PARP8: variants seen among roughly 807,000 people sequenced by gnomAD.
The protein encoded by PARP8 is protein mono-ADP-ribosyltransferase PARP8.
In PARP8, 51 loss-of-function variants were observed where a neutral mutation model predicts 124.1. The ratio of observed to expected loss-of-function variants is 0.41; its 90% CI spans 0.33 to 0.52. The LOEUF (loss-of-function observed/expected upper bound fraction) is 0.52, where lower values mean the gene tolerates loss of function less well. Ranked by LOEUF, PARP8 falls within the 20% of genes least tolerant of loss-of-function variation. PARP8 has a pLI of 0.21. For missense variants in PARP8, 860 were observed against 1,018.9 expected, an observed-to-expected ratio of 0.84 and a Z score of 2.12; for synonymous variants, 391 against 361.5, an observed-to-expected ratio of 1.08 and a Z score of -0.93.
chr5:50,747,698 T>G (rs576659895), intron 2 of PARP8, among the ~76,000 whole-genome samples: 121 of 151,756 alleles, frequency 8.0e-4, no homozygotes, highest in Non-Finnish European at 1.6e-3. Flanking sequence ...TTTCCATTCT[T>G]TACTTAAATC....
chr5:50,759,729 A>G lies in PARP8; in HGVS notation c.271A>G (p.Thr91Ala). ...ACCAGTAATTTTTCATAGAATAGCA[A>G]CAGGTAATAGTAGTATTATTTTTTA... ...PIPVIFHRIA[T>A]ELRKTNDINC... The change falls in exon 4 of 26, where the codon ACA (threonine) becomes GCA (alanine). Residue 91 changes from threonine to alanine, a missense_variant. By Grantham distance (58) the Thr-to-Ala change is moderately conservative (BLOSUM62 0). This residue lies in a region of PARP8 where 517 missense variants were observed against 544.2 expected (regional missense o/e 0.95). Transcript: ENST00000281631. The G allele has an allele frequency of 6.4e-7, 1 of 1,572,102 alleles. No individual in the cohort carries two copies.
intron 2 of PARP8, among the ~76,000 whole-genome samples, chr5:50,670,915 A>G (rs894727001): frequency 6.6e-6 from 1 of 152,220 alleles, no homozygotes; most frequent in African/African-American, 2.4e-5. Flanking sequence ...TAGCATTTAC[A>G]TATGCTTGAA....
chr5:50,796,986 A>G lies in PARP8; in HGVS notation c.1433A>G (p.Asn478Ser), dbSNP rs748460546. Residue 478 changes from asparagine to serine, a missense_variant, in exon 13 of 26, where the codon AAT becomes AGT. Physicochemically the swap from Asn to Ser is conservative, Grantham distance 46. Around this residue, in one of 2 missense-constraint regions of PARP8, gnomAD observed 343 missense variants for 474.7 expected, o/e 0.72. Transcript: ENST00000281631. ...TTTTTACTTTGCTTTTTATAGCCAAATGGTGCAAAATGCATTCCAGTACGA... is the reference window on the plus strand; with the variant it reads ...TTTTTACTTTGCTTTTTATAGCCAAGTGGTGCAAAATGCATTCCAGTACGA... ...SSSSSSQLAP[N>S]GAKCIPVRDR... 1.2e-6 allele frequency: 2 copies of G among 1,607,384 alleles called. No individual in the cohort carries two copies. Among genetic ancestry groups the G allele is most frequent in the Admixed American group, 3.4e-5 (2 of 59,302 alleles).
intron 2 of PARP8, among the ~76,000 whole-genome samples, chr5:50,684,530 A>G (rs1751641492): frequency 6.6e-6 from 1 of 151,992 alleles, no homozygotes; most frequent in South Asian, 2.1e-4. Context: ...ATATATTCAT[A>G]TATTCTCTTC....
At chr5:50,708,448 A>T (rs1293277293) in intron 2 of PARP8, among the ~76,000 whole-genome samples, 1 of 152,034 alleles carries the variant, frequency 6.6e-6, no homozygotes, top group African/African-American at 2.4e-5. Context: ...TGCATGTCTA[A>T]AATACCTTTA....
chr5:50,716,601 G>A (rs1755345105), intron 2 of PARP8, among the ~76,000 whole-genome samples: 1 of 152,002 alleles, frequency 6.6e-6, no homozygotes, highest in African/African-American at 2.4e-5. Flanking sequence ...TTCAGCTTAT[G>A]TGACACCTAG....
At chr5:50,750,414 C>T (rs571899553) in intron 3 of PARP8, among the ~76,000 whole-genome samples, 30 of 151,962 alleles carry the variant, frequency 2.0e-4, no homozygotes, top group Non-Finnish European at 3.8e-4. Context: ...CTTTAAAGAT[C>T]CCTATGATAG....
chr5:50,754,870 G>C (rs1388709128), intron 3 of PARP8, among the ~76,000 whole-genome samples: 1 of 152,026 alleles, frequency 6.6e-6, no homozygotes, highest in Non-Finnish European at 1.5e-5. Flanking sequence ...TTTAATGATC[G>C]CCATTCTAAG....
At chr5:50,683,275 A>T (rs1258413549) in intron 2 of PARP8, among the ~76,000 whole-genome samples, 1 of 152,158 alleles carries the variant, frequency 6.6e-6, no homozygotes, top group Non-Finnish European at 1.5e-5. Flanking sequence ...ATGTAAATAC[A>T]TTTTCCCTTT....
chr5:50,738,753 A>G (rs1285027533), intron 2 of PARP8, among the ~76,000 whole-genome samples: 1 of 151,920 alleles, frequency 6.6e-6, no homozygotes. Context: ...AAAAAACCTC[A>G]TAATGTTTTA....
At chr5:50,831,412 A>G (rs1223265563) in intron 22 of PARP8, among the ~76,000 whole-genome samples, 2 of 152,128 alleles carry the variant, frequency 1.3e-5, no homozygotes, top group African/African-American at 4.8e-5. Flanking sequence ...ACTCATATTC[A>G]AGAGTTGGGG....
intron 2 of PARP8, among the ~76,000 whole-genome samples, chr5:50,720,499 A>C (rs1755766205): frequency 6.6e-6 from 1 of 151,988 alleles, no homozygotes; most frequent in Non-Finnish European, 1.5e-5. Flanking sequence ...AAAAGGGAAG[A>C]ATGGAAGAAG....
At chr5:50,695,842 A>G (rs1236495506) in intron 2 of PARP8, among the ~76,000 whole-genome samples, 1 of 152,198 alleles carries the variant, frequency 6.6e-6, no homozygotes, top group African/African-American at 2.4e-5. Flanking sequence ...TATGGGAATT[A>G]TAAATTTCAA....
chr5:50,845,316 G>A lies in PARP8; in HGVS notation c.*3248G>A, dbSNP rs755051223. On this transcript the variant is annotated 3_prime_UTR_variant, in exon 26 of 26. Transcript: ENST00000281631. Reference sequence around the variant, plus strand: ...ACGAAAAACTCATCTTCATTAAAGAGTCTGGATAACTTCATCAGATGGTAA... The same window carrying A: ...ACGAAAAACTCATCTTCATTAAAGAATCTGGATAACTTCATCAGATGGTAA... 27 of 151,700 alleles carry A rather than the reference G, an allele frequency of 1.8e-4. No homozygotes were observed. The highest frequency in any genetic ancestry group is 1.6e-3 in the Admixed American group (24 of 15,190). 9.4% of individuals were successfully genotyped at this position (151,700 alleles called of 1,614,324 possible).
chr5:50,827,781 A>C (rs527845591), intron 19 of PARP8, among the ~76,000 whole-genome samples, 163 bp from the exon 20 acceptor site: 4 of 152,296 alleles, frequency 2.6e-5, no homozygotes, highest in African/African-American at 9.6e-5. Flanking sequence ...ACTTGCGTAG[A>C]GTTTTAAAAA....
chr5:50,825,690 A>G (rs1746267653), intron 18 of PARP8, among the ~76,000 whole-genome samples: 1 of 152,196 alleles, frequency 6.6e-6, no homozygotes, highest in Non-Finnish European at 1.5e-5. Context: ...GTCTCTTTGA[A>G]TTAACTTTGA....
chr5:50,761,782 T>C (rs1760571245), intron 5 of PARP8, 39 bp from the exon 6 acceptor site: 1 of 1,316,164 alleles, frequency 7.6e-7, no homozygotes, highest in Non-Finnish European at 1.1e-6. Flanking sequence ...GGTAAAATAA[T>C]TTGACCATTA....
At chr5:50,712,127 G>GA (rs1754820892) in intron 2 of PARP8, among the ~76,000 whole-genome samples, 2 of 152,116 alleles carry the variant, frequency 1.3e-5, no homozygotes, top group Admixed American at 1.3e-4. Flanking sequence ...AGAGTGATTT[G>GA]AAATAGATCA....
At chr5:50,770,901 A>T (rs1001538546) in intron 7 of PARP8, among the ~76,000 whole-genome samples, 1 of 152,064 alleles carries the variant, frequency 6.6e-6, no homozygotes, top group Non-Finnish European at 1.5e-5. Context: ...TACTTTCTGT[A>T]TACTTTCATA....
Sources: allele counts gnomAD v4.1 joint callset (sites outside exome capture counted in the v4.1 genomes callset), GRCh38; gene constraint gnomAD v4.1.1; regional missense constraint gnomAD v4.1.1; transcripts MANE v1.5; gene names NCBI Gene and HGNC (gene_info 2026-07-23, HGNC 2026-07-21).